Variants in CADPS observed in about 807,000 individuals in gnomAD.
CADPS encodes calcium-dependent secretion activator 1.
Under a neutral mutation model 167.3 loss-of-function variants are expected in CADPS, and 57 were observed. The ratio of observed to expected loss-of-function variants is 0.34; its 90% CI spans 0.28 to 0.42. The LOEUF (loss-of-function observed/expected upper bound fraction) is 0.42, where lower values mean the gene tolerates loss of function less well. CADPS is among the 20% of genes least tolerant of loss of function. CADPS has a pLI of 1.00. For synonymous variants in CADPS, 676 were observed against 635.3 expected (o/e 1.06, Z -0.96); for missense variants, 1,414 against 1,738.1 (o/e 0.81, Z 3.32).
intron 26 of CADPS, among the ~76,000 whole-genome samples, chr3:62,452,938 A>G (rs1048944565): frequency 1.3e-5 from 2 of 152,076 alleles, no homozygotes; most frequent in South Asian, 2.1e-4. Flanking sequence ...AAATAGGGAG[A>G]CCTCAGTTTC....
chr3:62,680,100 A>G (rs1156638486), intron 3 of CADPS, among the ~76,000 whole-genome samples: 1 of 151,978 alleles, frequency 6.6e-6, no homozygotes, highest in Non-Finnish European at 1.5e-5. Context: ...TGTGTTCTGG[A>G]TTACTCTTGG....
At chr3:62,525,088 G>A (rs2071726669) in intron 13 of CADPS, among the ~76,000 whole-genome samples, 1 of 152,062 alleles carries the variant, frequency 6.6e-6, no homozygotes, top group Admixed American at 6.6e-5. Flanking sequence ...CAATGACTAT[G>A]GGATAAAGAC....
At chr3:62,476,358 T>C (rs989222531) in intron 23 of CADPS, among the ~76,000 whole-genome samples, 1 of 152,204 alleles carries the variant, frequency 6.6e-6, no homozygotes, top group African/African-American at 2.4e-5. Context: ...CCTCTGAATC[T>C]GTAGGTCCGG....
intron 3 of CADPS, among the ~76,000 whole-genome samples, chr3:62,752,825 A>C (rs1564668528): frequency 6.6e-6 from 1 of 152,244 alleles, no homozygotes; most frequent in African/African-American, 2.4e-5. Context: ...GAATAAATGA[A>C]TATAATGCTA....
intron 21 of CADPS, among the ~76,000 whole-genome samples, chr3:62,483,526 G>T (rs2062342156): frequency 6.6e-6 from 1 of 152,238 alleles, no homozygotes; most frequent in Non-Finnish European, 1.5e-5. Context: ...ATGCAAAATT[G>T]TCTACCTGGC....
rs557962292 is a variant in CADPS at position 62,412,172 on chromosome 3, G to A, written c.3778-8987C>T. On this transcript the variant is annotated intron_variant, in intron 28 of 29. Transcript: ENST00000383710. This position sits in a 1 kb window ranked among gnomAD's most constrained non-coding sequence, Gnocchi z 4.1. ...TTTTTTTTTTTTTTTTTTAACGTCC[G>A]TAATTCTTTGGATACCTGAAAACCC... Among the ~76,000 whole-genome samples the A allele has an allele frequency of 2.2e-4, 31 of 138,342 alleles. No individual in the cohort carries two copies. The highest frequency in any genetic ancestry group is 3.8e-4 in the Admixed American group (5 of 13,132). 90.8% of individuals were successfully genotyped at this position (138,342 alleles called of 152,430 possible).
At chr3:62,713,479 C>T (rs1409151309) in intron 3 of CADPS, among the ~76,000 whole-genome samples, 2 of 152,122 alleles carry the variant, frequency 1.3e-5, no homozygotes, top group Non-Finnish European at 2.9e-5. Flanking sequence ...CTGGAAGTGG[C>T]CAACTTTTTC....
intron 3 of CADPS, among the ~76,000 whole-genome samples, chr3:62,663,854 A>G (rs1005014276): frequency 6.6e-6 from 1 of 152,106 alleles, no homozygotes; most frequent in Non-Finnish European, 1.5e-5. Context: ...CCCTTTCCAC[A>G]GTTTGGGAGA....
chr3:62,659,765 G>T (rs1473098750), intron 4 of CADPS, among the ~76,000 whole-genome samples: 3 of 152,174 alleles, frequency 2.0e-5, no homozygotes, highest in African/African-American at 7.2e-5. Context: ...CTTCCACCTG[G>T]GTGAAGAAGA....
At chr3:62,793,267 CTATT>C (rs200767956) in intron 1 of CADPS, among the ~76,000 whole-genome samples, 2,197 of 149,578 alleles carry the variant, frequency 0.015, 20 homozygotes, top group Non-Finnish European at 0.023. Context: ...TGTGGCATCA[CTATT>C]TATTTAAAAT....
At position 62,874,537 on chromosome 3, in the gene CADPS, C is replaced by T; in HGVS notation, c.441+52G>A. 1.4e-6 allele frequency: 2 copies of T among 1,407,856 alleles called. No individual in the cohort carries two copies. Among genetic ancestry groups the T allele is most frequent in the Non-Finnish European group, 9.8e-7 (1 of 1,025,290 alleles). The allele number at this position is 1,407,856 out of a possible 1,614,324, so 87.2% of individuals were successfully genotyped here. ...CCGCCAGCTCCCATTGTTCACCCCG[C>T]CCGCCTGGCGACGTCCGGGTGCTGC... On this transcript the variant is annotated intron_variant, in intron 1 of 29. Transcript: ENST00000383710. The surrounding 1 kb of genome is among the most constrained non-coding windows in gnomAD (Gnocchi z 7.1).
chr3:62,846,045 TCC>T (rs949691174), intron 1 of CADPS, among the ~76,000 whole-genome samples: 4 of 121,644 alleles, frequency 3.3e-5, no homozygotes, highest in Non-Finnish European at 7.0e-5. Flanking sequence ...GTATATCATT[TCC>T]CCCTTTGCTC....
chr3:62,434,633 A>G (rs1305326224), intron 28 of CADPS, among the ~76,000 whole-genome samples: 4 of 152,212 alleles, frequency 2.6e-5, no homozygotes, highest in Admixed American at 2.6e-4. Context: ...ATAGAGTCCC[A>G]AATGCTATGC....
intron 17 of CADPS, among the ~76,000 whole-genome samples, chr3:62,507,066 C>T (rs2066821183): frequency 6.6e-6 from 1 of 151,870 alleles, no homozygotes; most frequent in Non-Finnish European, 1.5e-5. Flanking sequence ...TATTTGAGTT[C>T]TTTTTTTTCT....
intron 9 of CADPS, among the ~76,000 whole-genome samples, chr3:62,570,225 GGTTT>G (rs1477663102): frequency 1.6e-5 from 2 of 125,040 alleles, no homozygotes; most frequent in Non-Finnish European, 3.4e-5. Context: ...TGAAGAATTT[GGTTT>G]GTTTCAGTTA....
chr3:62,751,070 C>T (rs1024672363), intron 3 of CADPS, among the ~76,000 whole-genome samples: 1 of 152,142 alleles, frequency 6.6e-6, no homozygotes, highest in African/African-American at 2.4e-5. Context: ...TTTTCTGCTG[C>T]AAACTAACAG....
chr3:62,559,362 C>T (rs1169642320), intron 9 of CADPS, among the ~76,000 whole-genome samples: 3 of 152,118 alleles, frequency 2.0e-5, no homozygotes, highest in Non-Finnish European at 2.9e-5. Context: ...AGGTTTTACC[C>T]CCCAAATTTA....
intron 6 of CADPS, among the ~76,000 whole-genome samples, chr3:62,615,821 A>G (rs2149379561): frequency 6.6e-6 from 1 of 152,300 alleles, no homozygotes; most frequent in East Asian, 1.9e-4. Flanking sequence ...TTTGTTGACA[A>G]TCAGAATTCT....
In CADPS at chr3:62,518,135, C is replaced by T. The variant is rs1186068772; in HGVS notation, c.2393+14G>A. On this transcript the variant is annotated intron_variant, in intron 14 of 29. Transcript: ENST00000383710. ...TCATCTCCTAATTAAAGCTCTCCAG[C>T]CCCAGATCCTTACCTAAAATGTGTA... The T allele has an allele frequency of 1.3e-6, 2 of 1,585,598 alleles. No homozygotes were observed. The highest frequency in any genetic ancestry group is 4.5e-5 in the East Asian group (2 of 44,728).
Sources: gnomAD v4.1 joint callset for allele counts (sites outside exome capture counted in the v4.1 genomes callset) on GRCh38, gnomAD v4.1.1 for gene constraint, Gnocchi (gnomAD v3.1) non-coding constraint, MANE v1.5 for transcripts, NCBI Gene and HGNC (gene_info 2026-07-23, HGNC 2026-07-21) for gene names.